Variants in BNIP5 observed in about 807,000 individuals in gnomAD.
The protein encoded by BNIP5 is protein BNIP5.
Under a neutral mutation model 67.3 loss-of-function variants are expected in BNIP5, and 61 were observed. That is an observed-to-expected ratio of 0.91 (90% CI 0.74 to 1.12). The LOEUF (loss-of-function observed/expected upper bound fraction) is 1.12, where lower values mean the gene tolerates loss of function less well. Among genes scored for constraint, BNIP5 ranks in the 50% most tolerant of loss-of-function variants. The pLI is 0.00. For missense variants in BNIP5, 826 were observed against 816.3 expected (o/e 1.01, Z -0.14); for synonymous variants, 317 against 319.0 (o/e 0.99, Z 0.07).
intron 5 of BNIP5, 93 bp from the exon 6 acceptor site, chr6:36,325,507 G>A: frequency 6.9e-7 from 1 of 1,453,638 alleles, no homozygotes; most frequent in South Asian, 1.4e-5. Flanking sequence ...TGGGCTCCGT[G>A]GCTGGATCAC....
chr6:36,334,037 T>A (rs958732748), intron 1 of BNIP5, among the ~76,000 whole-genome samples: 2 of 152,232 alleles, frequency 1.3e-5, no homozygotes, highest in Non-Finnish European at 2.9e-5. Context: ...GATGCAGTAA[T>A]CTTTTAAAAA....
chr6:36,320,643 G>T (rs1404632601), intron 10 of BNIP5, among the ~76,000 whole-genome samples: 2 of 152,232 alleles, frequency 1.3e-5, no homozygotes, highest in Non-Finnish European at 2.9e-5. Flanking sequence ...TCTCAAAGTA[G>T]GCTGTGTTTT....
In BNIP5 at chr6:36,316,558, C is replaced by A; in HGVS notation, c.*798G>T. 2.5e-6 allele frequency: 1 copy of A among 398,726 alleles called. No individual in the cohort carries two copies. Among genetic ancestry groups the A allele is most frequent in the Non-Finnish European group, 4.4e-6 (1 of 226,134 alleles). 24.7% of individuals were successfully genotyped at this position (398,726 alleles called of 1,614,324 possible). A position where few individuals can be genotyped will look rare whatever the true frequency, so the allele number is the denominator to read the frequency against. ...GAGCAGTGCACCCCTGTGCAACAATCCATGGCAGTCCAGCCCATTGAAGCC... is the reference window on the plus strand; with the variant it reads ...GAGCAGTGCACCCCTGTGCAACAATACATGGCAGTCCAGCCCATTGAAGCC... On this transcript the variant is annotated 3_prime_UTR_variant, in exon 12 of 12. Coordinates refer to ENST00000437635, the MANE Select transcript of BNIP5 (RefSeq NM_001010903.5).
chr6:36,335,030 T>G (rs574812418), intron 1 of BNIP5, among the ~76,000 whole-genome samples: 4 of 152,322 alleles, frequency 2.6e-5, no homozygotes, highest in African/African-American at 9.6e-5. Context: ...CCAAGTGATC[T>G]GCACATCACA....
Position 36,322,307 on chromosome 6 carries a change from T to C in BNIP5, c.1603+4A>G. On this transcript the variant is annotated splice_donor_region_variant and intron_variant, in intron 9 of 11. Coordinates refer to ENST00000437635, the MANE Select transcript of BNIP5 (RefSeq NM_001010903.5). ...GTCCAGGTAAGAGCAGGGGTGTTAC[T>C]GACTAGATTCACATGCTCCACTCAG... 6.8e-6 allele frequency: 11 copies of C among 1,614,116 alleles called. No homozygotes were observed. Among genetic ancestry groups the C allele is most frequent in the Non-Finnish European group, 9.3e-6 (11 of 1,179,968 alleles).
intron 2 of BNIP5, among the ~76,000 whole-genome samples, chr6:36,329,316 C>G (rs1318155437): frequency 6.6e-6 from 1 of 152,236 alleles, no homozygotes; most frequent in African/African-American, 2.4e-5. Flanking sequence ...GCAATAACAG[C>G]TATTGTGCAC....
chr6:36,320,390 G>A (rs1771607662), intron 10 of BNIP5, among the ~76,000 whole-genome samples: 1 of 152,150 alleles, frequency 6.6e-6, no homozygotes, highest in African/African-American at 2.4e-5. Context: ...AGGGAGCTGG[G>A]GTCTCTATCC....
At chr6:36,326,976 G>C (rs915866896) in intron 4 of BNIP5, 54 bp downstream of exon 4, 7 of 1,518,858 alleles carry the variant, frequency 4.6e-6, no homozygotes, top group Non-Finnish European at 6.4e-6. Context: ...CTTGGCAGAG[G>C]AGGAGGAGGA....
intron 6 of BNIP5, 117 bp from the exon 7 acceptor site, chr6:36,324,307 G>C (rs1422611381): frequency 1.5e-5 from 13 of 872,706 alleles, no homozygotes; most frequent in Middle Eastern, 2.2e-4. Flanking sequence ...GGGCTAAAGA[G>C]CTGCCAGAGG....
rs373823462 is a variant in BNIP5, at chr6:36,328,866, A to C, written c.611-152T>G. On this transcript the variant is annotated intron_variant, in intron 2 of 11. Coordinates refer to ENST00000437635, the MANE Select transcript of BNIP5 (RefSeq NM_001010903.5). ...AGCCCGCTCTAGGCTTAACCAAAAA[A>C]TCAGAAACCCACTAAGATTTTTATT... 3.0e-5 allele frequency: 19 copies of C among 623,752 alleles called. 1 individual carries two copies. The East Asian group carries it at 4.1e-4, about 13-fold the overall frequency. 38.6% of individuals were successfully genotyped at this position (623,752 alleles called of 1,614,324 possible).
intron 9 of BNIP5, among the ~76,000 whole-genome samples, chr6:36,321,992 G>A (rs1771646783): frequency 6.6e-6 from 1 of 152,252 alleles, no homozygotes. Flanking sequence ...TCCCATTGGA[G>A]AGCCTGTCTG....
At chr6:36,334,849 G>A (rs1185417784) in intron 1 of BNIP5, among the ~76,000 whole-genome samples, 2 of 151,982 alleles carry the variant, frequency 1.3e-5, no homozygotes, top group South Asian at 2.1e-4. Context: ...GCTCAACTAC[G>A]TTCAGTCCGA....
chr6:36,334,227 A>C (rs114059184), intron 1 of BNIP5, among the ~76,000 whole-genome samples: 16 of 152,270 alleles, frequency 1.1e-4, no homozygotes, highest in Non-Finnish European at 2.1e-4. Flanking sequence ...CCCTGGAATA[A>C]CCGGTGCCCT....
At chr6:36,324,000 C>CA (rs35557075) in intron 7 of BNIP5, 129 bp downstream of exon 7, 203,004 of 589,138 alleles carry the variant, frequency 0.34, 14,455 homozygotes, top group Non-Finnish European at 0.38. Flanking sequence ...ACTCCGTCTC[C>CA]AAAAAAAAAA....
chr6:36,328,964 A>G (rs778742184), intron 2 of BNIP5, among the ~76,000 whole-genome samples: 4 of 151,260 alleles, frequency 2.6e-5, no homozygotes, highest in Non-Finnish European at 5.9e-5. Context: ...TCTTCTCCCC[A>G]TCATAAACAC....
intron 6 of BNIP5, among the ~76,000 whole-genome samples, chr6:36,324,532 G>C (rs1771711054): frequency 1.5e-5 from 2 of 130,552 alleles, no homozygotes; most frequent in East Asian, 2.3e-4. Context: ...CAGGGGATAG[G>C]GGGCAGAGAT....
intron 10 of BNIP5, among the ~76,000 whole-genome samples, chr6:36,320,409 C>T (rs189150819): frequency 7.1e-4 from 108 of 152,284 alleles, no homozygotes; most frequent in African/African-American, 2.4e-3. Context: ...CCACCAACTC[C>T]CACCAGCCAT....
chr6:36,319,277 A>G, intron 11 of BNIP5, 79 bp downstream of exon 11: 1 of 1,549,518 alleles, frequency 6.5e-7, no homozygotes. Flanking sequence ...GAGGAGGATA[A>G]GTAGATCCCA....
At chr6:36,320,234 A>T (rs1405072021) in intron 10 of BNIP5, among the ~76,000 whole-genome samples, 1 of 152,210 alleles carries the variant, frequency 6.6e-6, no homozygotes, top group East Asian at 1.9e-4. Context: ...TATTCATTAA[A>T]TGATCCCAGG....
Sources: gnomAD v4.1 joint callset for allele counts (sites outside exome capture counted in the v4.1 genomes callset) on GRCh38, gnomAD v4.1.1 for gene constraint, MANE v1.5 for transcripts, NCBI Gene and HGNC (gene_info 2026-07-23, HGNC 2026-07-21) for gene names.